SLC35F4: variants seen among roughly 807,000 people sequenced by gnomAD.
The protein encoded by SLC35F4 is chromosome 14 open reading frame 36.
In SLC35F4, 24 loss-of-function variants were observed where a neutral mutation model predicts 44.2. The ratio of observed to expected loss-of-function variants is 0.54; its 90% CI spans 0.39 to 0.76. SLC35F4 has a LOEUF of 0.76. Among genes scored for constraint, SLC35F4 ranks in the 30% least tolerant of loss-of-function variants. The pLI, the probability that SLC35F4 is intolerant of heterozygous loss-of-function variation, is 0.00. For synonymous variants in SLC35F4, 238 were observed against 223.6 expected (o/e 1.06, Z -0.57); for missense variants, 562 against 586.1 (o/e 0.96, Z 0.42).
intron 1 of SLC35F4, among the ~76,000 whole-genome samples, chr14:57,790,937 A>C (rs992930878): frequency 6.6e-6 from 1 of 152,208 alleles, no homozygotes; most frequent in Admixed American, 6.5e-5. Context: ...CCGTATGCGG[A>C]AAACTGAAAC....
chr14:57,565,563 A>C, intron 7 of SLC35F4, among the ~76,000 whole-genome samples: 1 of 152,182 alleles, frequency 6.6e-6, no homozygotes, highest in Non-Finnish European at 1.5e-5. Context: ...GTGTACACTA[A>C]TTGCTCAGAA....
intron 1 of SLC35F4, among the ~76,000 whole-genome samples, chr14:57,657,266 C>CT (rs907303478): frequency 1.1e-4 from 17 of 151,992 alleles, no homozygotes; most frequent in African/African-American, 3.6e-4. Flanking sequence ...TTTTTCAGTC[C>CT]TTTTTTTTCT....
chr14:57,608,791 G>GTT (rs2071316920), intron 1 of SLC35F4, among the ~76,000 whole-genome samples: 1 of 22,720 alleles, frequency 4.4e-5, no homozygotes, highest in Non-Finnish European at 2.7e-4. Context: ...GATGGCCGGG[G>GTT]GGGGGCGGCG....
intron 1 of SLC35F4, among the ~76,000 whole-genome samples, chr14:57,735,912 G>C (rs1406283198): frequency 1.3e-5 from 2 of 151,882 alleles, no homozygotes; most frequent in East Asian, 3.9e-4. Context: ...TTAGAGATGG[G>C]GGTCTCACTG....
At chr14:57,949,174 G>A (rs570416885) in intron 1 of SLC35F4, among the ~76,000 whole-genome samples, 1 of 152,134 alleles carries the variant, frequency 6.6e-6, no homozygotes, top group South Asian at 2.1e-4. Context: ...CATTTCTTAG[G>A]TTTAGTAGTC....
intron 1 of SLC35F4, 25 bp downstream of exon 1, chr14:57,865,698 G>T (rs1485120899): frequency 6.6e-7 from 1 of 1,507,410 alleles, no homozygotes; most frequent in East Asian, 2.6e-5. Flanking sequence ...CCCGCCTCGC[G>T]CAGGGCAGCC....
intron 1 of SLC35F4, among the ~76,000 whole-genome samples, chr14:57,599,316 C>T (rs1239137267): frequency 6.6e-6 from 1 of 152,186 alleles, no homozygotes; most frequent in Non-Finnish European, 1.5e-5. Flanking sequence ...ACCCTAGCAT[C>T]GCTTGGGAAC....
At chr14:57,616,247 A>G (rs2071814890) in intron 1 of SLC35F4, among the ~76,000 whole-genome samples, 1 of 152,190 alleles carries the variant, frequency 6.6e-6, no homozygotes, top group African/African-American at 2.4e-5. Context: ...CACTTAGAGA[A>G]TATCAACCAA....
chr14:57,609,395 A>G (rs532271642), intron 1 of SLC35F4, among the ~76,000 whole-genome samples: 16 of 152,178 alleles, frequency 1.1e-4, no homozygotes, highest in Non-Finnish European at 1.8e-4. Context: ...CTCTGCTTCC[A>G]TGATTGTTGC....
At chr14:57,699,934 T>C (rs2075488828) in intron 1 of SLC35F4, among the ~76,000 whole-genome samples, 1 of 152,214 alleles carries the variant, frequency 6.6e-6, no homozygotes, top group South Asian at 2.1e-4. Flanking sequence ...TTGCACAGGA[T>C]AACTGATTTA....
upstream of SLC35F4, among the ~76,000 whole-genome samples, chr14:57,870,115 G>A (rs570505934): frequency 6.2e-5 from 9 of 145,852 alleles, no homozygotes; most frequent in Admixed American, 3.4e-4. Flanking sequence ...TTTAGAATTT[G>A]TCTATGATCT....
intron 1 of SLC35F4, among the ~76,000 whole-genome samples, chr14:57,786,455 C>T (rs1482375345): frequency 6.6e-6 from 1 of 152,182 alleles, no homozygotes; most frequent in African/African-American, 2.4e-5. Flanking sequence ...TCACAGGAGG[C>T]CAACTGGCAC....
intron 1 of SLC35F4, among the ~76,000 whole-genome samples, chr14:57,682,483 T>C (rs1197992823): frequency 2.6e-5 from 4 of 151,164 alleles, no homozygotes; most frequent in African/African-American, 9.7e-5. Flanking sequence ...ATCACACACC[T>C]GTCATGGGGT....
chr14:57,609,839 C>T (rs1192298649), intron 1 of SLC35F4, among the ~76,000 whole-genome samples: 1 of 152,162 alleles, frequency 6.6e-6, no homozygotes, highest in African/African-American at 2.4e-5. Flanking sequence ...CCATCCTTGC[C>T]CCTCCGCTTC....
intron 1 of SLC35F4, among the ~76,000 whole-genome samples, chr14:57,910,216 G>A (rs1889190347): frequency 6.6e-6 from 1 of 151,898 alleles, no homozygotes; most frequent in South Asian, 2.1e-4. Context: ...TATCGGATGT[G>A]TCTTTTGCAA....
chr14:57,566,660 G>A, intron 6 of SLC35F4, 96 bp from the exon 7 acceptor site: 3 of 1,234,874 alleles, frequency 2.4e-6, no homozygotes, highest in Non-Finnish European at 3.5e-6. Flanking sequence ...TGCTACATGT[G>A]CCTTTTAAAC....
intron 1 of SLC35F4, among the ~76,000 whole-genome samples, chr14:57,600,691 CAAAAAAAAAAAAAA>C (rs67819924): frequency 1.8e-5 from 1 of 55,404 alleles, no homozygotes; most frequent in Non-Finnish European, 3.1e-5. Flanking sequence ...GACTCCATCT[CAAAAAAAAAAAAAA>C]AAAAAAAAAA....
chr14:57,743,390 G>A (rs2076669104), intron 1 of SLC35F4, among the ~76,000 whole-genome samples: 2 of 152,082 alleles, frequency 1.3e-5, no homozygotes, highest in Admixed American at 1.3e-4. Flanking sequence ...TGATAAAGGG[G>A]ATATCACCAC....
Position 57,801,487 on chromosome 14 carries a change from T to C in SLC35F4, c.103+64236A>G, listed in dbSNP as rs72624719. Among the ~76,000 whole-genome samples, 2,161 of 152,238 alleles carry C rather than the reference T, an allele frequency of 0.014. 279 individuals are homozygous for C. The East Asian group carries it at 0.33, about 23-fold the overall frequency. ...TCTGAAAAATAACCAGCTAGCATCA[T>C]GGTGACAAAAGCACACATAACAATA... is the stretch of plus-strand genomic sequence containing the variant. On this transcript the variant is annotated intron_variant, in intron 1 of 7. Transcript: ENST00000556826.
Sources: gnomAD v4.1 joint callset for allele counts (sites outside exome capture counted in the v4.1 genomes callset) on GRCh38, gnomAD v4.1.1 for gene constraint, MANE v1.5 for transcripts, NCBI Gene and HGNC (gene_info 2026-07-23, HGNC 2026-07-21) for gene names.